PDE4D: variants seen among roughly 807,000 people sequenced by gnomAD.
The protein encoded by PDE4D is phosphodiesterase 4D.
PDE4D carries 24 observed loss-of-function variants against 87.4 expected under a neutral mutation model. That is an observed-to-expected ratio of 0.27 (90% CI 0.20 to 0.39). The LOEUF (loss-of-function observed/expected upper bound fraction) is 0.39, where lower values mean the gene tolerates loss of function less well. Among genes scored for constraint, PDE4D ranks in the 10% least tolerant of loss-of-function variants. The probability of loss-of-function intolerance (pLI) is 1.00; values close to 1 mark genes in which losing one functional copy is unlikely to be tolerated. For synonymous variants in PDE4D, 384 were observed against 383.2 expected, an observed-to-expected ratio of 1.00 and a Z score of -0.02; for missense variants, 714 against 1,041.0, an observed-to-expected ratio of 0.69 and a Z score of 4.32.
intron 1 of PDE4D, among the ~76,000 whole-genome samples, chr5:59,416,333 G>A (rs570187873): frequency 3.3e-5 from 5 of 152,286 alleles, no homozygotes; most frequent in Non-Finnish European, 7.4e-5. Flanking sequence ...GATCTGGCCT[G>A]AGAAAATAGT....
At chr5:60,244,675 C>T (rs1747512775) in intron 1 of PDE4D, among the ~76,000 whole-genome samples, 1 of 151,904 alleles carries the variant, frequency 6.6e-6, no homozygotes, top group African/African-American at 2.4e-5. Context: ...TTTTCAACAA[C>T]AATGCCAAGA....
intron 1 of PDE4D, among the ~76,000 whole-genome samples, chr5:59,280,363 A>G (rs1437191100): frequency 6.6e-6 from 1 of 152,144 alleles, no homozygotes; most frequent in Non-Finnish European, 1.5e-5. Context: ...TAGTTTTTAA[A>G]ACTAGAATAA....
chr5:59,648,663 A>C (rs1742869205), intron 1 of PDE4D, among the ~76,000 whole-genome samples: 1 of 152,148 alleles, frequency 6.6e-6, no homozygotes. Flanking sequence ...AAGACAAGAA[A>C]ATTCTCAAAA....
At chr5:60,444,922 A>G (rs1745524735) in intron 1 of PDE4D, among the ~76,000 whole-genome samples, 1 of 151,994 alleles carries the variant, frequency 6.6e-6, no homozygotes, top group African/African-American at 2.4e-5. Context: ...GAAAAAAAAA[A>G]AAAAAATCAC....
intron 1 of PDE4D, among the ~76,000 whole-genome samples, chr5:59,459,646 T>C (rs1800455429): frequency 6.6e-6 from 1 of 152,212 alleles, no homozygotes; most frequent in Non-Finnish European, 1.5e-5. Context: ...ATATTAGTAG[T>C]CCAAAGCCCT....
intron 1 of PDE4D, among the ~76,000 whole-genome samples, chr5:59,807,892 G>A (rs1767921366): frequency 6.6e-6 from 1 of 152,142 alleles, no homozygotes; most frequent in Non-Finnish European, 1.5e-5. Context: ...AGCCTGCTCT[G>A]AGCCCTACCC....
intron 1 of PDE4D, among the ~76,000 whole-genome samples, chr5:60,303,649 G>T (rs1754148207): frequency 6.6e-6 from 1 of 152,068 alleles, no homozygotes; most frequent in Non-Finnish European, 1.5e-5. Flanking sequence ...ATTTGATTGT[G>T]CTGTGATCTG....
chr5:59,795,877 G>A (rs1451994979), intron 1 of PDE4D, among the ~76,000 whole-genome samples: 2 of 152,100 alleles, frequency 1.3e-5, no homozygotes, highest in Non-Finnish European at 2.9e-5. Flanking sequence ...TGATGTGAGG[G>A]GAATTCTTAT....
intron 1 of PDE4D, among the ~76,000 whole-genome samples, chr5:59,337,515 CA>C (rs2153580169): frequency 6.6e-6 from 1 of 152,004 alleles, no homozygotes; most frequent in Non-Finnish European, 1.5e-5. Flanking sequence ...AACATTTTTG[CA>C]GTATTTACCA....
chr5:60,032,405 G>C (rs1420706625), intron 2 of PDE4D, among the ~76,000 whole-genome samples: 6 of 152,110 alleles, frequency 3.9e-5, no homozygotes, highest in South Asian at 4.1e-4. Context: ...AATGCTCTTT[G>C]TTAACTTCTC....
At chr5:59,249,639 G>A (rs1331305489) in intron 1 of PDE4D, among the ~76,000 whole-genome samples, 1 of 152,022 alleles carries the variant, frequency 6.6e-6, no homozygotes, top group Non-Finnish European at 1.5e-5. Context: ...ATAATGTTAA[G>A]TGATATGGAA....
intron 1 of PDE4D, among the ~76,000 whole-genome samples, chr5:60,424,670 A>G (rs1743504450): frequency 6.6e-6 from 1 of 152,234 alleles, no homozygotes; most frequent in African/African-American, 2.4e-5. Context: ...TTAGTGTTGG[A>G]AGTTCTGGCT....
In PDE4D at chr5:59,485,036, T is replaced by C. The variant is rs75007667; in HGVS notation, c.456-269068A>G. Among the ~76,000 whole-genome samples the C allele has an allele frequency of 1.5e-3, 229 of 152,216 alleles. 1 individual carries two copies. Among genetic ancestry groups the C allele is most frequent in the African/African-American group, 5.0e-3 (207 of 41,542 alleles). On this transcript the variant is annotated intron_variant, in intron 1 of 14. Transcript: ENST00000340635. ...TTAAAATAATTCCAAGAAACCCCAG[T>C]CTCCTAGGGAAGACTAGGATGTAAT...
At chr5:59,558,089 A>G (rs935923506) in intron 1 of PDE4D, among the ~76,000 whole-genome samples, 10 of 152,216 alleles carry the variant, frequency 6.6e-5, no homozygotes, top group African/African-American at 2.4e-4. Context: ...ATTGCAAACC[A>G]TGCTTTCATT....
At chr5:60,352,563 T>G (rs954342542) in intron 1 of PDE4D, among the ~76,000 whole-genome samples, 18 of 152,226 alleles carry the variant, frequency 1.2e-4, no homozygotes, top group African/African-American at 4.3e-4. Flanking sequence ...GCCATAGAAA[T>G]AAGCAGCCTT....
At chr5:59,844,443 TTAA>T (rs1429709766) in intron 1 of PDE4D, among the ~76,000 whole-genome samples, 1 of 152,150 alleles carries the variant, frequency 6.6e-6, no homozygotes, top group Non-Finnish European at 1.5e-5. Flanking sequence ...TTTCCATTTT[TTAA>T]TATTTCAAAT....
rs957615834 is a variant in PDE4D, at chr5:60,009,334, AT to A, written c.43-20618del. Among the ~76,000 whole-genome samples, 66 of 151,628 alleles carry A rather than the reference AT, an allele frequency of 4.4e-4. 1 individual carries two copies. The East Asian group carries it at 0.01, about 23-fold the overall frequency. On this transcript the variant is annotated intron_variant, in intron 2 of 16. Coordinates refer to the PDE4D transcript ENST00000502484. The stretch of plus-strand genomic sequence containing the variant: ...ACTTTCCTTTCTAAAGGCTCACAAG[AT>A]TTTTTTTTAAGATCCATTGAAGAAC...
At chr5:60,089,063 C>T (rs549523527) in intron 2 of PDE4D, among the ~76,000 whole-genome samples, 1 of 151,888 alleles carries the variant, frequency 6.6e-6, no homozygotes, top group Non-Finnish European at 1.5e-5. Flanking sequence ...AAGTCAAGGA[C>T]AGTTAAAAAC....
intron 2 of PDE4D, among the ~76,000 whole-genome samples, chr5:60,156,821 A>ATT (rs1330402870): frequency 6.6e-6 from 1 of 151,922 alleles, no homozygotes; most frequent in East Asian, 1.9e-4. Context: ...TTTTTTTCAT[A>ATT]TTAAAAAAGC....
Sources: gnomAD v4.1 joint callset for allele counts (sites outside exome capture counted in the v4.1 genomes callset) on GRCh38, gnomAD v4.1.1 for gene constraint, MANE v1.5 for transcripts, NCBI Gene and HGNC (gene_info 2026-07-23, HGNC 2026-07-21) for gene names.